ESRRG: variants seen among roughly 807,000 people sequenced by gnomAD.
The protein encoded by ESRRG is estrogen related receptor gamma.
Under a neutral mutation model 44.0 loss-of-function variants are expected in ESRRG, and 13 were observed. That is an observed-to-expected ratio of 0.30 (90% CI 0.19 to 0.47). The LOEUF (loss-of-function observed/expected upper bound fraction) is 0.47, where lower values mean the gene tolerates loss of function less well. Ranked by LOEUF, ESRRG falls within the 20% of genes least tolerant of loss-of-function variation. The pLI is 1.00. For synonymous variants in ESRRG, 215 were observed against 214.6 expected, an observed-to-expected ratio of 1.00 and a Z score of -0.02; for missense variants, 395 against 580.6, an observed-to-expected ratio of 0.68 and a Z score of 3.29.
chr1:216,725,980 C>T (rs2087440832), upstream of ESRRG, among the ~76,000 whole-genome samples: 1 of 152,044 alleles, frequency 6.6e-6, no homozygotes, highest in South Asian at 2.1e-4. Flanking sequence ...TTTAATTTCC[C>T]ATCATTTTCT....
intron 3 of ESRRG, among the ~76,000 whole-genome samples, chr1:216,602,438 C>G (rs2059374826): frequency 6.6e-6 from 1 of 152,174 alleles, no homozygotes; most frequent in Non-Finnish European, 1.5e-5. Context: ...TTACATTTTT[C>G]AAACAATAAG....
intron 1 of ESRRG, chr1:216,959,691 A>T (rs948515158): frequency 1.3e-5 from 2 of 151,996 alleles, no homozygotes; most frequent in African/African-American, 4.8e-5. Flanking sequence ...TGTCTCTAAA[A>T]TAAATAAATA....
At chr1:217,110,308 G>A (rs2092647070) in intron 1 of ESRRG, among the ~76,000 whole-genome samples, 2 of 152,158 alleles carry the variant, frequency 1.3e-5, no homozygotes, top group Admixed American at 1.3e-4. Flanking sequence ...ATCACCTAAA[G>A]TTGCTTTTTG....
At chr1:216,847,009 A>G (rs1354434941) in intron 2 of ESRRG, among the ~76,000 whole-genome samples, 1 of 152,154 alleles carries the variant, frequency 6.6e-6, no homozygotes, top group Non-Finnish European at 1.5e-5. Flanking sequence ...ATAACTCAAC[A>G]TTCCTTCCAG....
chr1:216,956,517 T>A (rs1316035129), intron 1 of ESRRG, among the ~76,000 whole-genome samples: 13 of 152,240 alleles, frequency 8.5e-5, no homozygotes, highest in Non-Finnish European at 1.5e-5. Context: ...CGCTTTGTAG[T>A]ATATTTTGAA....
At position 216,824,102 on chromosome 1, in the gene ESRRG, G is replaced by A. The variant is rs183364050; in HGVS notation, c.-14+115480C>T. Among the ~76,000 whole-genome samples the A allele has an allele frequency of 7.0e-3, 1,061 of 152,258 alleles. 5 individuals carry two copies. Among genetic ancestry groups the A allele is most frequent in the Non-Finnish European group, 0.012 (788 of 68,020 alleles). ...TCTTTCCCCTACATTTCCTAGGGCC[G>A]CATTAGGGAGCAACGCCCAACATCT... On this transcript the variant is annotated intron_variant, in intron 2 of 7. Coordinates refer to the ESRRG transcript ENST00000359162.
At chr1:216,903,407 A>G (rs2059315456) in intron 2 of ESRRG, among the ~76,000 whole-genome samples, 2 of 146,888 alleles carry the variant, frequency 1.4e-5, no homozygotes, top group African/African-American at 5.1e-5. Flanking sequence ...GTGCATATAT[A>G]TGTGTGGTTG....
intron 6 of ESRRG, among the ~76,000 whole-genome samples, chr1:216,518,447 G>T (rs571036266): frequency 6.6e-6 from 1 of 152,124 alleles, no homozygotes; most frequent in Non-Finnish European, 1.5e-5. Context: ...TGACACGCAG[G>T]TATCTAATGA....
At chr1:217,017,586 A>G (rs901565084) in intron 1 of ESRRG, among the ~76,000 whole-genome samples, 3 of 151,934 alleles carry the variant, frequency 2.0e-5, no homozygotes, top group African/African-American at 7.3e-5. Context: ...GGAAAATTAG[A>G]GTTTAATTTC....
intron 1 of ESRRG, among the ~76,000 whole-genome samples, chr1:216,966,262 T>A (rs564687811): frequency 1.1e-4 from 17 of 152,304 alleles, no homozygotes; most frequent in Admixed American, 4.6e-4. Flanking sequence ...AAGAATCATG[T>A]TGGAGTATAA....
At chr1:216,729,228 G>A (rs1410086545) in intron 2 of ESRRG, among the ~76,000 whole-genome samples, 1 of 152,192 alleles carries the variant, frequency 6.6e-6, no homozygotes, top group Non-Finnish European at 1.5e-5. Flanking sequence ...CGTGCGCTGA[G>A]GAAATTTTGG....
At chr1:216,646,066 C>T (rs1240945868) in intron 3 of ESRRG, among the ~76,000 whole-genome samples, 5 of 151,964 alleles carry the variant, frequency 3.3e-5, no homozygotes, top group African/African-American at 1.2e-4. Context: ...GGAGTAAGTT[C>T]TCCTTTCTGA....
intron 3 of ESRRG, among the ~76,000 whole-genome samples, chr1:216,592,857 A>G (rs2150027346): frequency 6.6e-6 from 1 of 152,280 alleles, no homozygotes; most frequent in Middle Eastern, 3.4e-3. Context: ...AAATTTGTGT[A>G]CTGTTTTTCA....
At chr1:216,967,614 C>T (rs1424769302) in intron 1 of ESRRG, among the ~76,000 whole-genome samples, 1 of 152,050 alleles carries the variant, frequency 6.6e-6, no homozygotes, top group Admixed American at 6.5e-5. Context: ...CTGGATGTAC[C>T]ATGGTTTATT....
chr1:216,670,348 C>T (rs752476415), intron 2 of ESRRG, among the ~76,000 whole-genome samples: 4 of 152,248 alleles, frequency 2.6e-5, no homozygotes, highest in African/African-American at 7.2e-5. Context: ...GGGCTATGCC[C>T]GCATGCCTTT....
chr1:217,087,398 T>C (rs1321305167), intron 1 of ESRRG, among the ~76,000 whole-genome samples: 1 of 152,244 alleles, frequency 6.6e-6, no homozygotes, highest in African/African-American at 2.4e-5. Flanking sequence ...CGGTAATAAG[T>C]GGTGCTCAGT....
At chr1:216,636,203 G>A (rs576349691) in intron 3 of ESRRG, among the ~76,000 whole-genome samples, 45 of 152,250 alleles carry the variant, frequency 3.0e-4, no homozygotes, top group African/African-American at 9.1e-4. Context: ...GTGGAATAAT[G>A]TGTTTACAAT....
intron 1 of ESRRG, among the ~76,000 whole-genome samples, chr1:216,998,329 A>G (rs1050428301): frequency 1.3e-5 from 2 of 152,214 alleles, no homozygotes; most frequent in African/African-American, 4.8e-5. Context: ...AATAGACAAA[A>G]GAAACTAAAA....
intron 3 of ESRRG, among the ~76,000 whole-genome samples, chr1:216,640,214 C>T (rs1221616146): frequency 6.6e-6 from 1 of 152,124 alleles, no homozygotes; most frequent in African/African-American, 2.4e-5. Flanking sequence ...CTGCCATTCA[C>T]TTAAGTCTGG....
Sources: gnomAD v4.1 joint callset for allele counts (sites outside exome capture counted in the v4.1 genomes callset) on GRCh38, gnomAD v4.1.1 for gene constraint, MANE v1.5 for transcripts, NCBI Gene and HGNC (gene_info 2026-07-23, HGNC 2026-07-21) for gene names.